The following HSD11B1 variants were observed in gnomAD, a reference collection of about 807,000 sequenced individuals.
HSD11B1 encodes 11-beta-hydroxysteroid dehydrogenase 1.
HSD11B1 carries 15 observed loss-of-function variants against 22.1 expected under a neutral mutation model. The observed-to-expected ratio is 0.68, with a 90% CI of 0.45 to 1.04. The LOEUF is 1.04. HSD11B1 is among the 50% of genes least tolerant of loss of function. The pLI is 0.00. For synonymous variants in HSD11B1, 122 were observed against 125.2 expected (o/e 0.97, Z 0.17); for missense variants, 281 against 357.6 (o/e 0.79, Z 1.73).
rs1182433397 is a variant in HSD11B1, at chr1:209,691,319, C to T, written c.-49+5034C>T. Among the ~76,000 whole-genome samples the T allele has an allele frequency of 3.3e-5, 5 of 152,158 alleles. 1 individual carries two copies. The South Asian group carries it at 1.0e-3, about 32-fold the overall frequency. Reference sequence around the variant, plus strand: ...TGGCCGGGGTCAGATGGATTAATGCCCTCTTAAAGATGTTAAAAATGTGAA... The same window carrying T: ...TGGCCGGGGTCAGATGGATTAATGCTCTCTTAAAGATGTTAAAAATGTGAA... On this transcript the variant is annotated intron_variant, in intron 1 of 6. Coordinates refer to the HSD11B1 transcript ENST00000261465.
At chr1:209,698,516 G>T (rs866064230) in intron 1 of HSD11B1, among the ~76,000 whole-genome samples, 1 of 152,218 alleles carries the variant, frequency 6.6e-6, no homozygotes, top group East Asian at 1.9e-4. Flanking sequence ...CCCTGTGGTG[G>T]TCATGCTGAG....
At chr1:209,690,137 G>C (rs928971315) in intron 1 of HSD11B1, among the ~76,000 whole-genome samples, 2 of 152,124 alleles carry the variant, frequency 1.3e-5, no homozygotes, top group East Asian at 3.9e-4. Flanking sequence ...GCAACATAGA[G>C]AGACCCCAGT....
chr1:209,713,337 ATTT>A (rs1187967292), intron 4 of HSD11B1, among the ~76,000 whole-genome samples: 2 of 152,156 alleles, frequency 1.3e-5, no homozygotes, highest in Non-Finnish European at 2.9e-5. Context: ...ACAATGAATG[ATTT>A]TTGTTTTTAG....
intron 4 of HSD11B1, among the ~76,000 whole-genome samples, chr1:209,710,096 T>C (rs1271671386): frequency 1.3e-5 from 2 of 152,042 alleles, no homozygotes; most frequent in Admixed American, 1.3e-4. Flanking sequence ...TAAATAGCAT[T>C]TGTGAAACAA....
chr1:209,725,842 C>A (rs562352007), intron 4 of HSD11B1, among the ~76,000 whole-genome samples: 1 of 152,134 alleles, frequency 6.6e-6, no homozygotes, highest in Non-Finnish European at 1.5e-5. Flanking sequence ...ATGGTCCTTA[C>A]GTGCATTGAA....
chr1:209,698,563 TC>T (rs2076807091), intron 1 of HSD11B1, among the ~76,000 whole-genome samples: 1 of 152,202 alleles, frequency 6.6e-6, no homozygotes, highest in African/African-American at 2.4e-5. Flanking sequence ...CTCCCACTGC[TC>T]CCCATGCTGC....
At chr1:209,723,370 A>G (rs73089444) in intron 4 of HSD11B1, among the ~76,000 whole-genome samples, 1 of 152,274 alleles carries the variant, frequency 6.6e-6, no homozygotes, top group African/African-American at 2.4e-5. Context: ...ATACACTGGC[A>G]CATTTTTTAA....
intron 4 of HSD11B1, among the ~76,000 whole-genome samples, chr1:209,727,369 A>G (rs2077009587): frequency 6.6e-6 from 1 of 152,368 alleles, no homozygotes; most frequent in African/African-American, 2.4e-5. Context: ...AGTTTGTGGT[A>G]ATTTGTTATG....
intron 1 of HSD11B1, among the ~76,000 whole-genome samples, chr1:209,687,599 C>G (rs1196177496): frequency 6.6e-6 from 1 of 152,156 alleles, no homozygotes; most frequent in African/African-American, 2.4e-5. Context: ...AAGGGAAGGG[C>G]CTTGCCCAAA....
intron 1 of HSD11B1, among the ~76,000 whole-genome samples, chr1:209,695,961 A>G (rs2076788816): frequency 6.6e-6 from 1 of 152,264 alleles, no homozygotes. Context: ...AAACAGGGGA[A>G]AATTCCAAAT....
intron 4 of HSD11B1, among the ~76,000 whole-genome samples, chr1:209,711,973 C>A (rs11119328): frequency 0.18 from 27,792 of 151,978 alleles, 2,562 homozygotes; most frequent in East Asian, 0.21. Context: ...TGGAAAGGCT[C>A]GGCTGAACTT....
chr1:209,687,155 C>T (rs1402795460), intron 1 of HSD11B1, among the ~76,000 whole-genome samples: 3 of 152,234 alleles, frequency 2.0e-5, no homozygotes, highest in Non-Finnish European at 4.4e-5. Context: ...TAGCTGGATG[C>T]ATGCTTCAGA....
intron 4 of HSD11B1, among the ~76,000 whole-genome samples, chr1:209,714,643 AG>A (rs2076919152): frequency 6.6e-6 from 1 of 152,122 alleles, no homozygotes; most frequent in South Asian, 2.1e-4. Context: ...GCCTTTGGTG[AG>A]GGACAATTCT....
chr1:209,725,655 T>A (rs2102395284), intron 4 of HSD11B1, among the ~76,000 whole-genome samples: 1 of 152,290 alleles, frequency 6.6e-6, no homozygotes, highest in Admixed American at 6.5e-5. Context: ...TTCAACAAGC[T>A]TAGGCCACCA....
At chr1:209,707,276 C>G in intron 4 of HSD11B1, 148 bp downstream of exon 4, 2 of 721,558 alleles carry the variant, frequency 2.8e-6, no homozygotes, top group South Asian at 3.2e-5. Flanking sequence ...CTACAAAATT[C>G]TTTTAAGTAA....
rs975375250 is a variant in HSD11B1 at position 209,734,646 on chromosome 1, A to G, written c.*125A>G. On this transcript the variant is annotated 3_prime_UTR_variant, in exon 6 of 6. Coordinates refer to ENST00000367027, the MANE Select transcript of HSD11B1 (RefSeq NM_005525.4). ...CAGAGACATGCAAGTCATGGGTCAC[A>G]CCTGACAAATGGAAGGAGTTCCTCT... 1 of 766,654 alleles carries G rather than the reference A, an allele frequency of 1.3e-6. No individual in the cohort carries two copies. The highest frequency in any genetic ancestry group is 1.7e-5 in the African/African-American group (1 of 57,722). The allele number at this position is 766,654 out of a possible 1,614,324, so 47.5% of individuals were successfully genotyped here. A position where few individuals can be genotyped will look rare whatever the true frequency, so the allele number is the denominator to read the frequency against.
chr1:209,695,281 G>A (rs1254195971), intron 1 of HSD11B1, among the ~76,000 whole-genome samples: 1 of 152,138 alleles, frequency 6.6e-6, no homozygotes, highest in African/African-American at 2.4e-5. Context: ...GTGTGAAAGT[G>A]GACTAACACA....
In HSD11B1 at chr1:209,706,035, G is replaced by T; in HGVS notation, c.219+94G>T. ...TATACACAGAAGCTAGCATATCGCA[G>T]ATCTATATACAGAGGCACATGCACA... On this transcript the variant is annotated intron_variant, in intron 2 of 5. Coordinates refer to ENST00000367027, the MANE Select transcript of HSD11B1 (RefSeq NM_005525.4). This position sits in a 1 kb window ranked among gnomAD's most constrained non-coding sequence, Gnocchi z 4.0. The T allele has an allele frequency of 6.5e-7, 1 of 1,533,288 alleles. No homozygotes were observed. Among genetic ancestry groups the T allele is most frequent in the Non-Finnish European group, 9.0e-7 (1 of 1,110,958 alleles). The allele number at this position is 1,533,288 out of a possible 1,614,324, so 95.0% of individuals were successfully genotyped here.
chr1:209,706,406 C>A lies in HSD11B1; in HGVS notation c.220-303C>A, dbSNP rs2076859141. On this transcript the variant is annotated intron_variant, in intron 2 of 5. Coordinates refer to ENST00000367027, the MANE Select transcript of HSD11B1 (RefSeq NM_005525.4). This position sits in a 1 kb window ranked among gnomAD's most constrained non-coding sequence, Gnocchi z 4.0. ...CTAGAGCTACCCACATAGTAACCAG[C>A]ATCTACACTCATAATGCCCTCAGAA... Among the ~76,000 whole-genome samples, 1 of 151,582 alleles carries A rather than the reference C, an allele frequency of 6.6e-6. No homozygotes were observed. Among genetic ancestry groups the A allele is most frequent in the African/African-American group, 2.4e-5 (1 of 41,192 alleles).
Sources: gnomAD v4.1 joint callset for allele counts (sites outside exome capture counted in the v4.1 genomes callset) on GRCh38, gnomAD v4.1.1 for gene constraint, Gnocchi (gnomAD v3.1) non-coding constraint, MANE v1.5 for transcripts, NCBI Gene and HGNC (gene_info 2026-07-23, HGNC 2026-07-21) for gene names.